The following TENM1 variants were observed in gnomAD, a reference collection of about 807,000 sequenced individuals.
The protein encoded by TENM1 is teneurin transmembrane protein 1.
In TENM1, 35 loss-of-function variants were observed where a neutral mutation model predicts 174.8. The observed-to-expected ratio is 0.20, with a 90% CI of 0.15 to 0.27. TENM1 has a LOEUF of 0.27. Ranked by LOEUF, TENM1 falls within the 10% of genes least tolerant of loss-of-function variation. TENM1 has a pLI of 1.00. For synonymous variants in TENM1, 781 were observed against 798.7 expected (o/e 0.98, Z 0.37); for missense variants, 1,633 against 2,130.1 (o/e 0.77, Z 4.59).
At chrX:124,645,911 C>T (rs1246918551) in intron 9 of TENM1, among the ~76,000 whole-genome samples, 1 of 111,052 alleles carries the variant, frequency 9.0e-6, no homozygotes, top group Non-Finnish European at 1.9e-5. Flanking sequence ...TTAATACCAA[C>T]CATCACCTCC....
chrX:124,734,211 G>A (rs2053620565), intron 4 of TENM1, among the ~76,000 whole-genome samples: 1 of 111,997 alleles, frequency 8.9e-6, no homozygotes, highest in Non-Finnish European at 1.9e-5. Context: ...CAGCACTTTG[G>A]GAGGGTGAGG....
At chrX:124,553,071 A>G (rs1329063787) in intron 14 of TENM1, among the ~76,000 whole-genome samples, 1 of 111,674 alleles carries the variant, frequency 9.0e-6, no homozygotes, top group Non-Finnish European at 1.9e-5. Context: ...TAATAATCTC[A>G]TCATGAAAGA....
At chrX:125,054,618 C>A in the TENM1 span, among the ~76,000 whole-genome samples, 1 of 111,415 alleles carries the variant, frequency 9.0e-6, no homozygotes, top group African/African-American at 3.3e-5. Context: ...GTAGAAAAAG[C>A]TTAAAACCAT....
chrX:124,957,515 C>T (rs1381017166), intron 1 of TENM1, among the ~76,000 whole-genome samples: 2 of 95,320 alleles, frequency 2.1e-5, no homozygotes, highest in Admixed American at 1.3e-4. Context: ...ACCTGGAAGG[C>T]GGAGTTTGCA....
At chrX:124,619,073 A>G (rs1602809612) in intron 11 of TENM1, among the ~76,000 whole-genome samples, 1 of 111,573 alleles carries the variant, frequency 9.0e-6, no homozygotes, top group South Asian at 3.8e-4. Context: ...ACAGAGTGAG[A>G]CCCTGTCTCT....
At chrX:124,983,321 C>A in the TENM1 span, among the ~76,000 whole-genome samples, 4 of 111,697 alleles carry the variant, frequency 3.6e-5, no homozygotes, top group Non-Finnish European at 7.5e-5. Context: ...GCCATTGTTG[C>A]GATCATTAAC....
At chrX:124,887,227 G>C (rs374150446) in intron 3 of TENM1, among the ~76,000 whole-genome samples, 18 of 110,685 alleles carry the variant, frequency 1.6e-4, no homozygotes, top group African/African-American at 5.2e-4. Flanking sequence ...ACAAGGGACT[G>C]GCTAAAAAAA....
chrX:124,405,754 T>C (rs1458726596), intron 26 of TENM1, among the ~76,000 whole-genome samples: 1 of 111,034 alleles, frequency 9.0e-6, no homozygotes, highest in Non-Finnish European at 1.9e-5. Flanking sequence ...GAGGTCTTAA[T>C]GACAGGGCAG....
rs113587767 is a variant in TENM1, at chrX:124,846,744, A to T, written c.535+47552T>A. Among the ~76,000 whole-genome samples, 388 of 111,224 alleles carry T rather than the reference A, an allele frequency of 3.5e-3. 2 individuals are homozygous for T. Among genetic ancestry groups the T allele is most frequent in the African/African-American group, 0.012 (361 of 30,687 alleles). On this transcript the variant is annotated intron_variant, in intron 3 of 31. Coordinates refer to ENST00000422452, the Ensembl canonical transcript of TENM1. Reference sequence around the variant, plus strand: ...TTCAAATAATCTTTTGAAAAAAGAGATCTGGTTATCCAGAATTATCTTCTT... The same window carrying T: ...TTCAAATAATCTTTTGAAAAAAGAGTTCTGGTTATCCAGAATTATCTTCTT...
chrX:124,546,506 A>T (rs2048432608), intron 15 of TENM1, among the ~76,000 whole-genome samples: 1 of 111,902 alleles, frequency 8.9e-6, no homozygotes, highest in Admixed American at 9.4e-5. Context: ...TTTCCTATGG[A>T]AACATTTTTC....
chrX:125,144,939 G>A, the TENM1 span, among the ~76,000 whole-genome samples: 1 of 109,487 alleles, frequency 9.1e-6, no homozygotes, highest in Admixed American at 9.8e-5. Context: ...GTAGAGACGG[G>A]GTTTCACTAT....
intron 4 of TENM1, among the ~76,000 whole-genome samples, chrX:124,707,485 T>C (rs2052937844): frequency 9.0e-6 from 1 of 111,218 alleles, no homozygotes; most frequent in African/African-American, 3.3e-5. Context: ...CCCTGAATAA[T>C]AGGATTTGAA....
chrX:124,541,946 T>C (rs1399525397), intron 15 of TENM1, among the ~76,000 whole-genome samples: 1 of 112,035 alleles, frequency 8.9e-6, no homozygotes, highest in Non-Finnish European at 1.9e-5. Flanking sequence ...CTTGGAACAC[T>C]CACTCTTGGA....
At chrX:124,864,970 T>C (rs1174474708) in intron 3 of TENM1, among the ~76,000 whole-genome samples, 1 of 111,016 alleles carries the variant, frequency 9.0e-6, no homozygotes, top group Non-Finnish European at 1.9e-5. Context: ...ATGTTTAAAG[T>C]GCTAAAGGAA....
chrX:125,069,269 T>C, the TENM1 span, among the ~76,000 whole-genome samples: 5 of 112,020 alleles, frequency 4.5e-5, no homozygotes, highest in African/African-American at 1.3e-4. Flanking sequence ...TTTCCTTTTC[T>C]GAGTTATTTC....
chrX:124,524,025 C>A (rs2047917283), intron 16 of TENM1, among the ~76,000 whole-genome samples: 1 of 109,224 alleles, frequency 9.2e-6, no homozygotes, highest in Non-Finnish European at 1.9e-5. Context: ...CAGCTGCATA[C>A]CACCATGCAA....
At chrX:124,934,552 T>G (rs1195284728) in intron 1 of TENM1, among the ~76,000 whole-genome samples, 1 of 111,966 alleles carries the variant, frequency 8.9e-6, no homozygotes, top group Non-Finnish European at 1.9e-5. Context: ...GTTCTCTCCT[T>G]TTGTATTCTT....
At chrX:124,678,470 A>G (rs1427190687) in intron 5 of TENM1, among the ~76,000 whole-genome samples, 1 of 111,410 alleles carries the variant, frequency 9.0e-6, no homozygotes, top group Non-Finnish European at 1.9e-5. Context: ...ATCTTTTACA[A>G]TGATAATGTA....
At chrX:124,910,334 C>G (rs887489906) in intron 1 of TENM1, among the ~76,000 whole-genome samples, 1 of 112,252 alleles carries the variant, frequency 8.9e-6, no homozygotes, top group Non-Finnish European at 1.9e-5. Context: ...ATTAATGTTT[C>G]AGGCATTTAA....
Sources: allele counts gnomAD v4.1 joint callset (sites outside exome capture counted in the v4.1 genomes callset), GRCh38; gene constraint gnomAD v4.1.1; transcripts MANE v1.5; gene names NCBI Gene and HGNC (gene_info 2026-07-23, HGNC 2026-07-21).